Variants in TSPEAR observed in about 807,000 individuals in gnomAD.
The protein encoded by TSPEAR is thrombospondin type laminin G domain and EAR repeats, also known as thrombospondin-type laminin G domain and EAR repeat-containing protein.
TSPEAR carries 69 observed loss-of-function variants against 71.6 expected under a neutral mutation model. The ratio of observed to expected loss-of-function variants is 0.96; its 90% CI spans 0.79 to 1.18. The LOEUF (loss-of-function observed/expected upper bound fraction) is 1.18. Among genes scored for constraint, TSPEAR ranks in the 50% most tolerant of loss-of-function variants. The pLI is 0.00. For missense variants in TSPEAR, 971 were observed against 894.9 expected (o/e 1.09, Z -1.09); for synonymous variants, 402 against 387.2 (o/e 1.04, Z -0.45).
intron 1 of TSPEAR, chr21:44,698,036 CG>C: frequency 6.9e-7 from 1 of 1,438,994 alleles, no homozygotes; most frequent in Non-Finnish European, 9.5e-7. Flanking sequence ...ACTGGCCCCT[CG>C]GCTGCTCTGG....
rs781883363 is a variant in TSPEAR, at chr21:44,579,979, G to T, written c.83-11974C>A. On this transcript the variant is annotated intron_variant, in intron 1 of 11. Coordinates refer to ENST00000323084, the MANE Select transcript of TSPEAR (RefSeq NM_144991.3). ...AAGCCGGCTGACAGCTAGACTGCTGGCAGCATGAAGTGGAAGCCCCAGAGC... is the reference window on the plus strand; with the variant it reads ...AAGCCGGCTGACAGCTAGACTGCTGTCAGCATGAAGTGGAAGCCCCAGAGC... 9.9e-6 allele frequency: 16 copies of T among 1,613,320 alleles called. No individual in the cohort carries two copies. In the South Asian group the frequency reaches 1.6e-4, roughly 17 times the overall value.
chr21:44,528,673 C>G, intron 5 of TSPEAR, 90 bp from the exon 6 acceptor site: 2 of 1,515,836 alleles, frequency 1.3e-6, no homozygotes, highest in Non-Finnish European at 1.8e-6. Context: ...CCAGGCTGCC[C>G]TGCCTCAGCC....
At chr21:44,582,287 G>A (rs466094) in intron 1 of TSPEAR, among the ~76,000 whole-genome samples, 139,382 of 152,230 alleles carry the variant, frequency 0.92, 64,223 homozygotes, top group Non-Finnish European at 0.97. Flanking sequence ...ACAGCTGGCC[G>A]GCAGTGAACC....
At chr21:44,702,486 C>T in intron 1 of TSPEAR, 2 of 1,608,818 alleles carry the variant, frequency 1.2e-6, no homozygotes, top group Non-Finnish European at 1.7e-6. Context: ...CCGTCTGCTG[C>T]AAGCCTGTCT....
chr21:44,632,365 T>G (rs587690799), intron 1 of TSPEAR, among the ~76,000 whole-genome samples: 2 of 149,620 alleles, frequency 1.3e-5, no homozygotes, highest in African/African-American at 4.9e-5. Flanking sequence ...AGAAAAAAAC[T>G]GTCCACCAAG....
At chr21:44,503,142 TG>T (rs2052080437) in intron 11 of TSPEAR, among the ~76,000 whole-genome samples, 1 of 133,248 alleles carries the variant, frequency 7.5e-6, no homozygotes, top group Non-Finnish European at 1.6e-5. Context: ...AGCAAGGCTC[TG>T]GGAGGAGGCC....
chr21:44,703,131 T>A (rs1987737621), intron 1 of TSPEAR, among the ~76,000 whole-genome samples: 1 of 152,196 alleles, frequency 6.6e-6, no homozygotes, highest in South Asian at 2.1e-4. Flanking sequence ...GCACAATGAA[T>A]AAACTGGCCT....
chr21:44,708,188 C>G (rs970301363), intron 1 of TSPEAR, among the ~76,000 whole-genome samples: 3 of 152,140 alleles, frequency 2.0e-5, no homozygotes, highest in Non-Finnish European at 2.9e-5. Flanking sequence ...CCTCCCCCAG[C>G]CCCCAGCAGG....
Position 44,711,554 on chromosome 21 carries a change from A to G in TSPEAR, c.-40T>C. The G allele has an allele frequency of 6.3e-7, 1 of 1,586,304 alleles. No individual in the cohort carries two copies. ...CCAAGCTCCATCCAGGGCTCCGCTC[A>G]GCCTGCAGGGAAGTGGCTGCTCCTC... On this transcript the variant is annotated 5_prime_UTR_variant, in exon 1 of 12. Coordinates refer to ENST00000323084, the MANE Select transcript of TSPEAR (RefSeq NM_144991.3). The surrounding 1 kb of genome is among the most constrained non-coding windows in gnomAD (Gnocchi z 4.5).
chr21:44,522,726 A>G (rs1555914449), intron 8 of TSPEAR, among the ~76,000 whole-genome samples: 1 of 152,186 alleles, frequency 6.6e-6, no homozygotes, highest in African/African-American at 2.4e-5. Context: ...AGTGCTCCTC[A>G]CTGTCTCTGC....
At chr21:44,697,870 A>G in intron 1 of TSPEAR, 1 of 1,603,196 alleles carries the variant, frequency 6.2e-7, no homozygotes, top group Middle Eastern at 1.7e-4. Flanking sequence ...CCTGCCAGCC[A>G]AGCTGCGGCC....
chr21:44,672,522 A>C (rs1209925889), intron 1 of TSPEAR, among the ~76,000 whole-genome samples: 2 of 152,180 alleles, frequency 1.3e-5, no homozygotes, highest in African/African-American at 4.8e-5. Flanking sequence ...GTGAGCAGAG[A>C]TGGCGCCACT....
chr21:44,626,105 C>T (rs1555934262), intron 1 of TSPEAR, among the ~76,000 whole-genome samples: 1 of 152,220 alleles, frequency 6.6e-6, no homozygotes, highest in Non-Finnish European at 1.5e-5. Flanking sequence ...CAAAGACGTT[C>T]TACTCAACAT....
intron 1 of TSPEAR, chr21:44,600,503 G>A: frequency 8.1e-7 from 1 of 1,228,722 alleles, no homozygotes; most frequent in Non-Finnish European, 1.1e-6. Context: ...ACTCCAGCTG[G>A]GACAACAGAC....
intron 7 of TSPEAR, 109 bp from the exon 8 acceptor site, chr21:44,525,948 A>G (rs1384303131): frequency 2.6e-6 from 3 of 1,151,618 alleles, no homozygotes; most frequent in Non-Finnish European, 3.8e-6. Context: ...CACGGCTGCT[A>G]CGTGGTGCAG....
At chr21:44,554,034 T>A (rs2053487364) in intron 2 of TSPEAR, among the ~76,000 whole-genome samples, 1 of 152,168 alleles carries the variant, frequency 6.6e-6, no homozygotes, top group Non-Finnish European at 1.5e-5. Flanking sequence ...CTTAAGGAAA[T>A]ATGACAAATG....
chr21:44,676,406 T>C lies in TSPEAR; in HGVS notation c.82+35027A>G, dbSNP rs931474731. 48 of 1,127,234 alleles carry C rather than the reference T, an allele frequency of 4.3e-5. No homozygotes were observed. In the East Asian group the frequency reaches 1.1e-3, roughly 25 times the overall value. The allele number at this position is 1,127,234 out of a possible 1,614,324, so 69.8% of individuals were successfully genotyped here. ...ATTTCTGCAGATGAGGTCTTCATGC[T>C]GTACTTTAATGCCTCCACTGAAAGC... is the stretch of plus-strand genomic sequence containing the variant. On this transcript the variant is annotated intron_variant, in intron 1 of 11. Transcript: ENST00000323084.
intron 10 of TSPEAR, chr21:44,508,924 A>C: frequency 6.6e-7 from 1 of 1,512,230 alleles, no homozygotes; most frequent in Non-Finnish European, 8.9e-7. Context: ...GCTCGGATGA[A>C]AGGAGGTAAT....
chr21:44,550,780 G>A, intron 2 of TSPEAR: 3 of 1,614,222 alleles, frequency 1.9e-6, no homozygotes, highest in African/African-American at 1.3e-5. Flanking sequence ...GAGGAGGAGG[G>A]TCTGCAGCAG....
Sources: allele counts gnomAD v4.1 joint callset (sites outside exome capture counted in the v4.1 genomes callset), GRCh38; gene constraint gnomAD v4.1.1; non-coding constraint Gnocchi (gnomAD v3.1); transcripts MANE v1.5; gene names NCBI Gene and HGNC (gene_info 2026-07-23, HGNC 2026-07-21).